CFAP299: variants seen among roughly 807,000 people sequenced by gnomAD.
CFAP299 encodes the protein cilia- and flagella-associated protein 299.
A neutral mutation model predicts 27.0 loss-of-function variants in CFAP299; 21 were observed. The ratio of observed to expected loss-of-function variants is 0.78; its 90% CI spans 0.55 to 1.12. CFAP299 has a LOEUF of 1.12. Among genes scored for constraint, CFAP299 ranks in the 50% most tolerant of loss-of-function variants. The pLI is 0.00. For synonymous variants in CFAP299, 104 were observed against 98.1 expected, an observed-to-expected ratio of 1.06 and a Z score of -0.36; for missense variants, 310 against 276.6, an observed-to-expected ratio of 1.12 and a Z score of -0.86.
chr4:80,871,199 G>A lies in CFAP299; in HGVS notation c.476+1064G>A, dbSNP rs1390248780. ...TGGGATTACAGGCGTCAGCCACCGA[G>A]CCTGACTCCCATCTCCACTGTAATG... On this transcript the variant is annotated intron_variant, in intron 4 of 5. Coordinates refer to ENST00000358105, the MANE Select transcript of CFAP299 (RefSeq NM_152770.3). The A allele has an allele frequency of 6.1e-6, 6 of 985,364 alleles. No individual in the cohort carries two copies. The African/African-American group carries it at 1.0e-4, about 17-fold the overall frequency. 61.0% of individuals were successfully genotyped at this position (985,364 alleles called of 1,614,324 possible).
intron 4 of CFAP299, among the ~76,000 whole-genome samples, chr4:80,884,678 G>A (rs1443642835): frequency 1.4e-5 from 2 of 142,568 alleles, no homozygotes; most frequent in Non-Finnish European, 3.1e-5. Flanking sequence ...ATAGAAAAGA[G>A]CAACGAAACT....
At chr4:80,387,091 G>T in intron 2 of CFAP299, 1 of 1,445,890 alleles carries the variant, frequency 6.9e-7, no homozygotes, top group Non-Finnish European at 9.7e-7. Context: ...GTCTGCAGGT[G>T]ATGCTCCAGG....
intron 5 of CFAP299, among the ~76,000 whole-genome samples, chr4:80,960,939 C>T (rs996638087): frequency 2.0e-5 from 3 of 151,824 alleles, no homozygotes; most frequent in Non-Finnish European, 3.0e-5. Flanking sequence ...CTGAAAATTA[C>T]GCCTAATAAT....
chr4:80,873,683 A>G (rs1340330390), intron 4 of CFAP299, among the ~76,000 whole-genome samples: 1 of 152,216 alleles, frequency 6.6e-6, no homozygotes, highest in Non-Finnish European at 1.5e-5. Flanking sequence ...CCTCTAGAAC[A>G]CTATTCCTGG....
chr4:80,875,646 A>G (rs909542036), intron 4 of CFAP299, among the ~76,000 whole-genome samples: 2 of 151,144 alleles, frequency 1.3e-5, no homozygotes, highest in African/African-American at 4.9e-5. Context: ...CCTGGGCAAA[A>G]AGAGTGAAAC....
chr4:80,352,033 A>G (rs1375373316), intron 1 of CFAP299, among the ~76,000 whole-genome samples: 1 of 152,014 alleles, frequency 6.6e-6, no homozygotes, highest in Non-Finnish European at 1.5e-5. Flanking sequence ...TATCAGGCAA[A>G]GTAGACCTCA....
intron 4 of CFAP299, among the ~76,000 whole-genome samples, chr4:80,901,710 GC>G (rs970219033): frequency 1.3e-5 from 2 of 151,790 alleles, no homozygotes; most frequent in African/African-American, 4.8e-5. Context: ...TTATCCTTTG[GC>G]CCCAATCACT....
At chr4:80,343,174 A>G (rs900373740) in intron 1 of CFAP299, among the ~76,000 whole-genome samples, 2 of 152,218 alleles carry the variant, frequency 1.3e-5, no homozygotes, top group African/African-American at 4.8e-5. Flanking sequence ...AGATTCATAA[A>G]GCAAGTTCTT....
intron 3 of CFAP299, among the ~76,000 whole-genome samples, chr4:80,645,361 G>GT (rs33987575): frequency 6.6e-6 from 1 of 151,562 alleles, no homozygotes; most frequent in East Asian, 1.9e-4. Flanking sequence ...TTTAGCCTTA[G>GT]TTTTTTCTTT....
chr4:80,785,783 C>T (rs1226749286), intron 3 of CFAP299, among the ~76,000 whole-genome samples: 1 of 151,912 alleles, frequency 6.6e-6, no homozygotes. Context: ...ATTTTTTTCC[C>T]AATGGTTACT....
intron 3 of CFAP299, among the ~76,000 whole-genome samples, chr4:80,628,763 A>G (rs1214987539): frequency 6.6e-6 from 1 of 152,164 alleles, no homozygotes; most frequent in Non-Finnish European, 1.5e-5. Context: ...CATAAATTAA[A>G]AACACAATGA....
intron 3 of CFAP299, among the ~76,000 whole-genome samples, chr4:80,681,869 A>G (rs1719865803): frequency 6.6e-6 from 1 of 152,188 alleles, no homozygotes; most frequent in Non-Finnish European, 1.5e-5. Flanking sequence ...TTCATGTAGC[A>G]TAAATCAAAG....
intron 3 of CFAP299, among the ~76,000 whole-genome samples, chr4:80,837,162 G>C (rs1048472287): frequency 3.9e-5 from 6 of 152,054 alleles, no homozygotes; most frequent in Non-Finnish European, 7.4e-5. Flanking sequence ...GTTTTTATCA[G>C]TGCATATTAA....
chr4:80,658,204 C>G (rs538530742), intron 3 of CFAP299, among the ~76,000 whole-genome samples: 2 of 152,108 alleles, frequency 1.3e-5, no homozygotes, highest in Non-Finnish European at 2.9e-5. Context: ...TCTTCTCTTC[C>G]TATTTGAATA....
At chr4:80,805,052 G>T (rs2110112634) in intron 3 of CFAP299, among the ~76,000 whole-genome samples, 1 of 151,910 alleles carries the variant, frequency 6.6e-6, no homozygotes, top group East Asian at 1.9e-4. Context: ...TTTCTTTGTG[G>T]TTATCATGGG....
intron 3 of CFAP299, among the ~76,000 whole-genome samples, chr4:80,723,429 C>G (rs1325793079): frequency 6.6e-6 from 1 of 152,006 alleles, no homozygotes; most frequent in African/African-American, 2.4e-5. Flanking sequence ...CATGTTACAA[C>G]ATGGATGAAA....
chr4:80,853,640 G>A (rs1731654314), intron 3 of CFAP299, among the ~76,000 whole-genome samples: 1 of 152,138 alleles, frequency 6.6e-6, no homozygotes, highest in South Asian at 2.1e-4. Context: ...AAGTTATAGG[G>A]AAAATAGTGG....
intron 3 of CFAP299, among the ~76,000 whole-genome samples, chr4:80,720,323 T>C (rs578231455): frequency 6.6e-5 from 10 of 152,086 alleles, no homozygotes; most frequent in Non-Finnish European, 1.0e-4. Context: ...CCAACTAGAT[T>C]GAAAAATCTC....
chr4:80,570,619 C>A (rs931781438), intron 2 of CFAP299, among the ~76,000 whole-genome samples: 1 of 152,040 alleles, frequency 6.6e-6, no homozygotes, highest in Non-Finnish European at 1.5e-5. Flanking sequence ...TGGTGTGAAG[C>A]AAAATGAACT....
Sources: gnomAD v4.1 joint callset for allele counts (sites outside exome capture counted in the v4.1 genomes callset) on GRCh38, gnomAD v4.1.1 for gene constraint, MANE v1.5 for transcripts, NCBI Gene and HGNC (gene_info 2026-07-23, HGNC 2026-07-21) for gene names.